Variants in IYD observed in about 807,000 individuals in gnomAD.
The protein encoded by IYD is iodotyrosine deiodinase, also known as iodotyrosine deiodinase 1.
A neutral mutation model predicts 28.4 loss-of-function variants in IYD; 25 were observed. The ratio of observed to expected loss-of-function variants is 0.88; its 90% confidence interval spans 0.64 to 1.23. The LOEUF (loss-of-function observed/expected upper bound fraction) is 1.23, where lower values mean the gene tolerates loss of function less well. Among genes scored for constraint, IYD ranks in the 50% most tolerant of loss-of-function variants. The probability of loss-of-function intolerance (pLI) is 0.00; values close to 1 mark genes in which losing one functional copy is unlikely to be tolerated. For missense variants in IYD, 352 were observed against 357.9 expected (o/e 0.98, Z 0.13); for synonymous variants, 140 against 130.8 (o/e 1.07, Z -0.48).
Position 150,369,146 on chromosome 6 carries a change from G to A in IYD, c.115G>A (p.Glu39Lys), listed in dbSNP as rs376472194. 35 of 1,613,950 alleles carry A rather than the reference G, an allele frequency of 2.2e-5. No individual in the cohort carries two copies. In the African/African-American group the frequency reaches 2.5e-4, roughly 12 times the overall value. ...KKKGEPRTRA[E>K]ARPWVDEDLK... ...GAAGGGGGAGCCTAGAACCAGGGCC[G>A]AAGCTCGCCCCTGGGTGGATGAAGA... is the stretch of plus-strand genomic sequence containing the variant. The change falls in exon 1 of 5, where the codon GAA becomes AAA. Residue 39 changes from glutamate to lysine, a missense_variant. Transcript: ENST00000344419.
rs1212404155 is a variant in IYD, at chr6:150,400,883, T to C, written c.*2646T>C. Reference sequence around the variant, plus strand: ...AGCGTAAGCCTTGATTGGATTTTGGTTTAGGAAAAATCTCATAGGTATAAA... The same window carrying C: ...AGCGTAAGCCTTGATTGGATTTTGGCTTAGGAAAAATCTCATAGGTATAAA... On this transcript the variant is annotated 3_prime_UTR_variant, in exon 5 of 5. Coordinates refer to ENST00000344419, the MANE Select transcript of IYD (RefSeq NM_203395.3). 6.6e-6 allele frequency: 1 copy of C among 152,140 alleles called. No homozygotes were observed. Among genetic ancestry groups the C allele is most frequent in the African/African-American group, 2.4e-5 (1 of 41,422 alleles). The allele number at this position is 152,140 out of a possible 1,614,324, so 9.4% of individuals were successfully genotyped here. A position where few individuals can be genotyped will look rare whatever the true frequency, so the allele number is the denominator to read the frequency against.
chr6:150,397,343 C>T (rs1489017500), intron 4 of IYD, among the ~76,000 whole-genome samples: 1 of 151,960 alleles, frequency 6.6e-6, no homozygotes, highest in African/African-American at 2.4e-5. Context: ...CTGAGACGGG[C>T]AGATCACTTA....
chr6:150,370,300 T>G (rs1350795444), intron 1 of IYD, among the ~76,000 whole-genome samples: 2 of 151,658 alleles, frequency 1.3e-5, no homozygotes, highest in African/African-American at 4.9e-5. Flanking sequence ...TGTGAGTGTG[T>G]GTGCATGAGT....
intron 1 of IYD, among the ~76,000 whole-genome samples, chr6:150,375,847 G>A (rs796587433): frequency 2.0e-4 from 31 of 152,240 alleles, no homozygotes; most frequent in African/African-American, 6.7e-4. Context: ...ACTCCTCAAG[G>A]CTTCCAAAAT....
intron 2 of IYD, among the ~76,000 whole-genome samples, chr6:150,391,045 T>G (rs1485020783): frequency 6.6e-6 from 1 of 152,086 alleles, no homozygotes; most frequent in Non-Finnish European, 1.5e-5. Flanking sequence ...GAAACCATCC[T>G]GGCTAAAATG....
rs1219071882 is a variant in IYD at position 150,399,024 on chromosome 6, C to G, written c.*787C>G. On this transcript the variant is annotated 3_prime_UTR_variant, in exon 5 of 5. Transcript: ENST00000344419. ...CACCACTGCACTCCAGCCTGGGCAA[C>G]AGAGCGAGAACCTGTCTCAAAAAAA... 1 of 152,398 alleles carries G rather than the reference C, an allele frequency of 6.6e-6. No homozygotes were observed. The highest frequency in any genetic ancestry group is 1.5e-5 in the Non-Finnish European group (1 of 68,238). The allele number at this position is 152,398 out of a possible 1,614,324, so 9.4% of individuals were successfully genotyped here.
rs1411267596 is a variant in IYD, at chr6:150,400,573, A to G, written c.*2336A>G. ...TTAATGGCATGGTGGAATAACCAAA[A>G]TGTGTATCATTCTACAAAAAAATAG... On this transcript the variant is annotated 3_prime_UTR_variant, in exon 5 of 5. Transcript: ENST00000344419. 2.0e-5 allele frequency: 3 copies of G among 148,400 alleles called. No individual in the cohort carries two copies. The East Asian group carries it at 6.1e-4, about 30-fold the overall frequency. 9.2% of individuals were successfully genotyped at this position (148,400 alleles called of 1,614,324 possible).
intron 3 of IYD, among the ~76,000 whole-genome samples, chr6:150,393,832 G>C (rs971205570): frequency 1.3e-5 from 2 of 152,142 alleles, no homozygotes; most frequent in East Asian, 3.9e-4. Flanking sequence ...TTGACCCAGT[G>C]CATGCTGGGT....
rs550492801 is a variant in IYD, at chr6:150,370,666, G to A, written c.178+1457G>A. ...CAGGGAACATCTGCTGTGAAGCTGG[G>A]TAATGGTTTGTGCTGGTAAGGATGG... is the stretch of plus-strand genomic sequence containing the variant. On this transcript the variant is annotated intron_variant, in intron 1 of 4. Coordinates refer to ENST00000344419, the MANE Select transcript of IYD (RefSeq NM_203395.3). 124 of 985,420 alleles carry A rather than the reference G, an allele frequency of 1.3e-4. 1 individual carries two copies. In the African/African-American group the frequency reaches 2.1e-3, roughly 16 times the overall value. The allele number at this position is 985,420 out of a possible 1,614,324, so 61.0% of individuals were successfully genotyped here. A position where few individuals can be genotyped will look rare whatever the true frequency, so the allele number is the denominator to read the frequency against.
chr6:150,386,940 A>G (rs904503621), intron 1 of IYD, among the ~76,000 whole-genome samples: 1 of 152,134 alleles, frequency 6.6e-6, no homozygotes, highest in African/African-American at 2.4e-5. Flanking sequence ...ATTTCTATTC[A>G]ATGCAACTAT....
At chr6:150,395,842 A>T (rs1778292426) in intron 4 of IYD, 2 of 597,322 alleles carry the variant, frequency 3.3e-6, no homozygotes, top group Non-Finnish European at 6.0e-6. Flanking sequence ...GAAGCTACTC[A>T]TTGCTTTTAC....
At chr6:150,372,298 G>A (rs1258608271) in intron 1 of IYD, among the ~76,000 whole-genome samples, 2 of 145,954 alleles carry the variant, frequency 1.4e-5, no homozygotes, top group Non-Finnish European at 3.0e-5. Context: ...GTGTGACCAT[G>A]CTTATTAGAC....
rs7763368 is a variant in IYD, at chr6:150,402,480, A to G, written c.*4243A>G. 0.21 allele frequency: 32,143 copies of G among 152,232 alleles called. 4,954 individuals carry two copies. The highest frequency in any genetic ancestry group is 0.41 in the African/African-American group (17,108 of 41,484). 9.4% of individuals were successfully genotyped at this position (152,232 alleles called of 1,614,324 possible). ...GCTGGATGTCTCTTCCCCAAAACATATAACTCTGGATTTGGAAAACAAAAC... is the reference window on the plus strand; with the variant it reads ...GCTGGATGTCTCTTCCCCAAAACATGTAACTCTGGATTTGGAAAACAAAAC... On this transcript the variant is annotated 3_prime_UTR_variant, in exon 5 of 5. Coordinates refer to ENST00000344419, the MANE Select transcript of IYD (RefSeq NM_203395.3).
intron 4 of IYD, chr6:150,395,924 A>G (rs1487092799): frequency 6.1e-6 from 3 of 492,598 alleles, no homozygotes; most frequent in Non-Finnish European, 1.1e-5. Flanking sequence ...TCCCCTATCA[A>G]CGGGCATCAG....
At chr6:150,373,376 C>T (rs991056925) in intron 1 of IYD, among the ~76,000 whole-genome samples, 1 of 152,182 alleles carries the variant, frequency 6.6e-6, no homozygotes, top group African/African-American at 2.4e-5. Context: ...CAGTGTCAGC[C>T]TCATGCTTCT....
chr6:150,388,768 C>T (rs1219028792), intron 1 of IYD, among the ~76,000 whole-genome samples: 1 of 140,716 alleles, frequency 7.1e-6, no homozygotes, highest in African/African-American at 2.7e-5. Flanking sequence ...GTGGTGCAAT[C>T]TCGGCTCACT....
At chr6:150,374,804 T>C (rs1282910973) in intron 1 of IYD, among the ~76,000 whole-genome samples, 1 of 152,206 alleles carries the variant, frequency 6.6e-6, no homozygotes, top group Non-Finnish European at 1.5e-5. Context: ...TCCTCAGAGA[T>C]GAGAATGCTC....
intron 1 of IYD, among the ~76,000 whole-genome samples, chr6:150,381,226 G>A (rs1175633579): frequency 3.3e-5 from 5 of 152,152 alleles, no homozygotes; most frequent in Non-Finnish European, 7.4e-5. Flanking sequence ...TATTGGTTTT[G>A]CTATTGTACT....
At chr6:150,396,459 G>A in intron 4 of IYD, 1 of 697,804 alleles carries the variant, frequency 1.4e-6, no homozygotes, top group East Asian at 2.7e-5. Context: ...AATATGGTCT[G>A]TGTATTTGCA....
Sources: gnomAD v4.1 joint callset for allele counts (sites outside exome capture counted in the v4.1 genomes callset) on GRCh38, gnomAD v4.1.1 for gene constraint, MANE v1.5 for transcripts, NCBI Gene and HGNC (gene_info 2026-07-23, HGNC 2026-07-21) for gene names.